The following ATP7B variants were observed in gnomAD, a reference collection of about 807,000 sequenced individuals.
ATP7B encodes copper-transporting ATPase 2.
Under a neutral mutation model 118.9 loss-of-function variants are expected in ATP7B, and 113 were observed. The ratio of observed to expected loss-of-function variants is 0.95; its 90% CI spans 0.82 to 1.11. The LOEUF is 1.11. Ranked by LOEUF, ATP7B falls within the 50% of genes most tolerant of loss-of-function variation. The pLI is 0.00. For missense variants in ATP7B, 1,867 were observed against 1,871.4 expected (o/e 1.00, Z 0.04); for synonymous variants, 777 against 727.4 (o/e 1.07, Z -1.10).
chr13:52,010,601 T>C (rs539416722), intron 1 of ATP7B, among the ~76,000 whole-genome samples: 2 of 152,212 alleles, frequency 1.3e-5, no homozygotes, highest in African/African-American at 4.8e-5. Flanking sequence ...CATACAGTGA[T>C]CTCATTTAGG....
In ATP7B at chr13:51,974,151, T is replaced by C. The variant is rs1305827368; in HGVS notation, c.1069A>G (p.Thr357Ala). The C allele has an allele frequency of 6.2e-7, 1 of 1,613,350 alleles. No individual in the cohort carries two copies. The highest frequency in any genetic ancestry group is 8.5e-7 in the Non-Finnish European group (1 of 1,179,884). The change falls in exon 2 of 21, where the codon ACA (threonine) becomes GCA (alanine). Residue 357 changes from threonine to alanine, a missense_variant. By Grantham distance (58) the Thr-to-Ala change is moderately conservative. Coordinates refer to ENST00000242839, the MANE Select transcript of ATP7B (RefSeq NM_000053.4). ...GSPPRNQVQGTCSTTLIAIAG... is the reference protein window; with the variant it reads ...GSPPRNQVQGACSTTLIAIAG... ...ATGGCAATCAGAGTGGTACTGCATGTGCCCTGGACCTGGTTTCTCGGTGGG... is the reference window on the plus strand; with the variant it reads ...ATGGCAATCAGAGTGGTACTGCATGCGCCCTGGACCTGGTTTCTCGGTGGG...
At chr13:51,939,271 C>A in intron 16 of ATP7B, 78 bp from the exon 17 acceptor site, 1 of 1,588,820 alleles carries the variant, frequency 6.3e-7, no homozygotes, top group Non-Finnish European at 8.6e-7. Context: ...GCAATGTTCT[C>A]ATCATATAAT....
chr13:52,001,944 C>T (rs1327533644), intron 1 of ATP7B, among the ~76,000 whole-genome samples: 6 of 152,078 alleles, frequency 3.9e-5, no homozygotes, highest in Non-Finnish European at 5.9e-5. Flanking sequence ...GTGCGTGCCA[C>T]GATGCCCAGC....
rs951683900 is a variant in ATP7B at position 52,011,433 on chromosome 13, G to A, written c.-96C>T. On this transcript the variant is annotated 5_prime_UTR_variant, in exon 1 of 21. Coordinates refer to ENST00000242839, the MANE Select transcript of ATP7B (RefSeq NM_000053.4). ...AGCGGGGTGTTAAAGTCCCGGGAGAGGAGGCGCAGAGTGTGAGGGCATCGG... is the reference window on the plus strand; with the variant it reads ...AGCGGGGTGTTAAAGTCCCGGGAGAAGAGGCGCAGAGTGTGAGGGCATCGG... 6.1e-5 allele frequency: 94 copies of A among 1,544,566 alleles called. No homozygotes were observed. The highest frequency in any genetic ancestry group is 8.0e-5 in the Non-Finnish European group (90 of 1,122,904).
intron 3 of ATP7B, 96 bp downstream of exon 3, chr13:51,970,396 G>C (rs1002563912): frequency 1.3e-6 from 2 of 1,554,326 alleles, no homozygotes; most frequent in Non-Finnish European, 1.8e-6. Context: ...CTGGTTATCA[G>C]GGCTACTGAT....
intron 6 of ATP7B, among the ~76,000 whole-genome samples, chr13:51,961,457 T>C (rs919143360): frequency 2.0e-5 from 3 of 148,732 alleles, no homozygotes; most frequent in Admixed American, 6.7e-5. Context: ...TCTGAAAACA[T>C]TGTCAAAGGA....
intron 12 of ATP7B, among the ~76,000 whole-genome samples, chr13:51,947,005 A>G (rs548621711): frequency 1.3e-5 from 2 of 152,224 alleles, no homozygotes; most frequent in Non-Finnish European, 2.9e-5. Context: ...GAAAAGATGC[A>G]AGGATATTTA....
intron 11 of ATP7B, 86 bp from the exon 12 acceptor site, chr13:51,949,882 T>C: frequency 1.1e-5 from 18 of 1,610,052 alleles, no homozygotes; most frequent in Non-Finnish European, 1.5e-5. Flanking sequence ...ATTGGGATAA[T>C]CTCCTTCATT....
At chr13:51,960,897 A>G (rs1336535875) in intron 6 of ATP7B, among the ~76,000 whole-genome samples, 1 of 152,022 alleles carries the variant, frequency 6.6e-6, no homozygotes. Context: ...TGAAATTCCA[A>G]CCGAGTGGTT....
chr13:51,996,520 G>A (rs1236906913), intron 1 of ATP7B, among the ~76,000 whole-genome samples: 2 of 152,192 alleles, frequency 1.3e-5, no homozygotes, highest in African/African-American at 4.8e-5. Context: ...AGGGTAAAAT[G>A]ATCACTCTGT....
At chr13:51,953,868 A>AAAAAAAAAAAAAAAAAAAAAC (rs1461098056) in intron 9 of ATP7B, among the ~76,000 whole-genome samples, 10 of 148,302 alleles carry the variant, frequency 6.7e-5, no homozygotes, top group African/African-American at 2.5e-4. Context: ...AAAAAAAAAA[A>AAAAAAAAAAAAAAAAAAAAAC]CCAGAAAATT....
intron 1 of ATP7B, among the ~76,000 whole-genome samples, chr13:51,992,605 T>C (rs1372334834): frequency 6.6e-6 from 1 of 152,230 alleles, no homozygotes; most frequent in African/African-American, 2.4e-5. Context: ...AACCAGCTAC[T>C]GCAAATTTCT....
chr13:51,985,397 G>A (rs1179142930), intron 1 of ATP7B, among the ~76,000 whole-genome samples: 1 of 152,098 alleles, frequency 6.6e-6, no homozygotes, highest in African/African-American at 2.4e-5. Context: ...CCCAATACAG[G>A]AACACCCAGA....
At chr13:51,980,908 A>C (rs1952381252) in intron 1 of ATP7B, among the ~76,000 whole-genome samples, 1 of 152,200 alleles carries the variant, frequency 6.6e-6, no homozygotes, top group African/African-American at 2.4e-5. Context: ...CATACAACTT[A>C]ACACATCTGA....
intron 20 of ATP7B, 30 bp downstream of exon 20, chr13:51,935,563 C>A (rs372292797): frequency 1.2e-6 from 2 of 1,601,440 alleles, no homozygotes; most frequent in African/African-American, 1.3e-5. Flanking sequence ...CTGGGAGCCT[C>A]CCACAGATGC....
At chr13:51,994,163 T>C (rs142152040) in intron 1 of ATP7B, among the ~76,000 whole-genome samples, 3 of 152,310 alleles carry the variant, frequency 2.0e-5, no homozygotes, top group African/African-American at 4.8e-5. Flanking sequence ...CGGCAACATA[T>C]GAAAAGGCTG....
intron 1 of ATP7B, among the ~76,000 whole-genome samples, chr13:51,979,635 C>T (rs895149140): frequency 1.3e-5 from 2 of 152,034 alleles, no homozygotes; most frequent in African/African-American, 4.8e-5. Flanking sequence ...TCATATAGTA[C>T]CTTATTAGGC....
intron 1 of ATP7B, among the ~76,000 whole-genome samples, chr13:51,987,468 G>A (rs534236337): frequency 4.6e-5 from 7 of 152,158 alleles, no homozygotes; most frequent in African/African-American, 7.2e-5. Context: ...AATCAATATC[G>A]TGAAAATGGC....
At chr13:51,945,411 A>C (rs1417406060) in intron 13 of ATP7B, among the ~76,000 whole-genome samples, 1 of 152,156 alleles carries the variant, frequency 6.6e-6, no homozygotes, top group Non-Finnish European at 1.5e-5. Context: ...GGGGAGGGGA[A>C]GTTCCACCTC....
Sources: gnomAD v4.1 joint callset for allele counts (sites outside exome capture counted in the v4.1 genomes callset) on GRCh38, gnomAD v4.1.1 for gene constraint, MANE v1.5 for transcripts, NCBI Gene and HGNC (gene_info 2026-07-23, HGNC 2026-07-21) for gene names.